The following MUC15 variants were observed in gnomAD, a reference collection of about 807,000 sequenced individuals.
MUC15 encodes the protein mucin-15.
In MUC15, 23 loss-of-function variants were observed where a neutral mutation model predicts 24.0. That is an observed-to-expected ratio of 0.96 (90% CI 0.69 to 1.36). MUC15 has a LOEUF of 1.36. Ranked by LOEUF, MUC15 falls within the 40% of genes most tolerant of loss-of-function variation. The pLI is 0.00. For synonymous variants in MUC15, 151 were observed against 156.3 expected, an observed-to-expected ratio of 0.97 and a Z score of 0.25; for missense variants, 442 against 428.2, an observed-to-expected ratio of 1.03 and a Z score of -0.29.
chr11:26,561,533 CTT>C (rs1197596676), intron 4 of MUC15, among the ~76,000 whole-genome samples: 1 of 151,916 alleles, frequency 6.6e-6, no homozygotes, highest in East Asian at 1.9e-4. Flanking sequence ...ACCTCATTGA[CTT>C]TTGAATCTTG....
chr11:26,570,950 AT>A (rs1850799752), intron 1 of MUC15, among the ~76,000 whole-genome samples: 1 of 152,136 alleles, frequency 6.6e-6, no homozygotes, highest in African/African-American at 2.4e-5. Context: ...TAGGCCTCTC[AT>A]TTTACTTTTA....
In MUC15 at chr11:26,559,780, G is replaced by T. The variant is rs1323857164; in HGVS notation, c.*1285C>A. On this transcript the variant is annotated 3_prime_UTR_variant, in exon 5 of 5. Coordinates refer to ENST00000529533, the MANE Select transcript of MUC15 (RefSeq NM_001135091.2). The stretch of plus-strand genomic sequence containing the variant: ...TTTGCTATTTTTATGGCAATATGGG[G>T]TAAGTACTTTCTTCATTACTTTCTA... 6.2e-7 allele frequency: 1 copy of T among 1,603,508 alleles called. No homozygotes were observed. Among genetic ancestry groups the T allele is most frequent in the Non-Finnish European group, 8.5e-7 (1 of 1,171,676 alleles).
At chr11:26,564,367 A>G (rs996766923) in intron 3 of MUC15, among the ~76,000 whole-genome samples, 5 of 151,646 alleles carry the variant, frequency 3.3e-5, no homozygotes, top group Non-Finnish European at 3.0e-5. Flanking sequence ...TTTGTTTTTT[A>G]CATTACTAAT....
At chr11:26,570,508 G>A (rs1850780897) in intron 1 of MUC15, among the ~76,000 whole-genome samples, 2 of 152,044 alleles carry the variant, frequency 1.3e-5, no homozygotes, top group Admixed American at 6.6e-5. Flanking sequence ...ACCCATATAA[G>A]GGCAAAGAAA....
rs1464306645 is a variant in MUC15 at position 26,560,665 on chromosome 11, A to G, written c.*400T>C. The G allele has an allele frequency of 6.5e-6, 1 of 154,496 alleles. No homozygotes were observed. Among genetic ancestry groups the G allele is most frequent in the Admixed American group, 6.5e-5 (1 of 15,278 alleles). 9.6% of individuals were successfully genotyped at this position (154,496 alleles called of 1,614,324 possible). On this transcript the variant is annotated 3_prime_UTR_variant, in exon 5 of 5. Coordinates refer to ENST00000529533, the MANE Select transcript of MUC15 (RefSeq NM_001135091.2). ...TTCATTTAAGAAAATGCAATCTTGA[A>G]TTATGGTACTAGGGCTTCAGGCAGA...
At position 26,559,473 on chromosome 11, in the gene MUC15, G is replaced by A; in HGVS notation, c.*1592C>T. 5.4e-6 allele frequency: 2 copies of A among 372,782 alleles called. No homozygotes were observed. Among genetic ancestry groups the A allele is most frequent in the East Asian group, 4.1e-5 (1 of 24,404 alleles). 23.1% of individuals were successfully genotyped at this position (372,782 alleles called of 1,614,324 possible). A position where few individuals can be genotyped will look rare whatever the true frequency, so the allele number is the denominator to read the frequency against. Reference sequence around the variant, plus strand: ...GAATTATTTATAATCAGAAATGATGGTGGGGTATAAAGGGAATCAAGAGAG... The same window carrying A: ...GAATTATTTATAATCAGAAATGATGATGGGGTATAAAGGGAATCAAGAGAG... On this transcript the variant is annotated 3_prime_UTR_variant, in exon 5 of 5. Transcript: ENST00000529533.
Position 26,563,250 on chromosome 11 carries a change from C to T in MUC15, c.791G>A (p.Gly264Glu), listed in dbSNP as rs1590538502. Reference protein sequence around the residue: ...SDPQKENRNTGIVFGAILGAI... With the variant: ...SDPQKENRNTEIVFGAILGAI... ...ACCTAAAATGGCCCCGAATACTATT[C>T]CTGTATTTCTATTTTCTACAGGACA... Residue 264 changes from glycine to glutamate, a missense_variant, in exon 4 of 5, where the codon GGA becomes GAA. Physicochemically the swap from Gly to Glu is moderately conservative, Grantham distance 98. Transcript: ENST00000529533. 6.3e-6 allele frequency: 10 copies of T among 1,597,352 alleles called. No homozygotes were observed. In the East Asian group the frequency reaches 2.3e-4, roughly 36 times the overall value.
intron 1 of MUC15, among the ~76,000 whole-genome samples, chr11:26,568,441 C>A (rs1565113145): frequency 6.7e-6 from 1 of 150,122 alleles, no homozygotes; most frequent in Non-Finnish European, 1.5e-5. Flanking sequence ...ATTTGGTACA[C>A]AGCTGCTTTT....
Position 26,565,211 on chromosome 11 carries a change from G to A in MUC15, c.729C>T (p.Phe243=), listed in dbSNP as rs776008933. 2.0e-6 allele frequency: 3 copies of A among 1,510,388 alleles called. No individual in the cohort carries two copies. In the East Asian group the frequency reaches 6.9e-5, roughly 35 times the overall value. The allele number at this position is 1,510,388 out of a possible 1,614,324, so 93.6% of individuals were successfully genotyped here. A position where few individuals can be genotyped will look rare whatever the true frequency, so the allele number is the denominator to read the frequency against. ...EKTTLQPTLK[F]TNNSKLFPNT... ...TTGGAAAGAGTTTTGAATTATTGGT[G>A]AATTTTAAGGTAGGCTGTAGAGTTG... The change falls in exon 3 of 5, where the codon TTC becomes TTT. Residue 243 remains phenylalanine, a synonymous_variant. Coordinates refer to ENST00000529533, the MANE Select transcript of MUC15 (RefSeq NM_001135091.2).
intron 3 of MUC15, 138 bp from the exon 4 acceptor site, chr11:26,563,403 G>GTGTGTGTT (rs1485118287): frequency 5.9e-6 from 1 of 168,900 alleles, no homozygotes; most frequent in African/African-American, 4.9e-5. Flanking sequence ...CTCTGTGTGT[G>GTGTGTGTT]TGTGTGTGTG....
chr11:26,567,801 C>G lies in MUC15; in HGVS notation c.-45-662G>C, dbSNP rs983030053. ...CATTAGTAACAGATTGGATAATAAA[C>G]TGTGGTATATTCAGATAGTGAAAAT... On this transcript the variant is annotated intron_variant, in intron 1 of 4. Transcript: ENST00000529533. 6.6e-5 allele frequency among the ~76,000 whole-genome samples: 10 copies of G among 152,038 alleles called. No homozygotes were observed. In the South Asian group the frequency reaches 2.1e-3, roughly 32 times the overall value.
At chr11:26,564,732 C>CATATATATAT (rs66510170) in intron 3 of MUC15, among the ~76,000 whole-genome samples, 4 of 25,416 alleles carry the variant, frequency 1.6e-4, no homozygotes, top group Non-Finnish European at 2.2e-4. Flanking sequence ...CACACACACA[C>CATATATATAT]ATATATATAT....
chr11:26,567,076 T>C lies in MUC15; in HGVS notation c.19A>G (p.Ile7Val), dbSNP rs368209928. ...CAACAATCCCTTGATGTGGCAAGAA[T>C]AGATTGTATTATGCCCATTTTGCAG... MGIIQSILATSRDCYSF... is the reference protein window; with the variant it reads MGIIQSVLATSRDCYSF... The change falls in exon 2 of 5, where the codon ATT becomes GTT. Residue 7 changes from isoleucine to valine, a missense_variant. Physicochemically the swap from Ile to Val is conservative, Grantham distance 29 (BLOSUM62 3). Coordinates refer to ENST00000529533, the MANE Select transcript of MUC15 (RefSeq NM_001135091.2). 3.3e-6 allele frequency: 5 copies of C among 1,504,472 alleles called. No individual in the cohort carries two copies. Among genetic ancestry groups the C allele is most frequent in the Non-Finnish European group, 4.5e-6 (5 of 1,121,802 alleles). 93.2% of individuals were successfully genotyped at this position (1,504,472 alleles called of 1,614,324 possible). A position where few individuals can be genotyped will look rare whatever the true frequency, so the allele number is the denominator to read the frequency against.
At chr11:26,569,270 A>G (rs1188148874) in intron 1 of MUC15, among the ~76,000 whole-genome samples, 2 of 152,294 alleles carry the variant, frequency 1.3e-5, no homozygotes, top group Middle Eastern at 3.4e-3. Context: ...GTTACTGCCT[A>G]TAATTTATCT....
rs758663678 is a variant in MUC15, at chr11:26,565,880, T to G, written c.60A>C (p.Lys20Asn). 9 of 1,565,996 alleles carry G rather than the reference T, an allele frequency of 5.7e-6. No homozygotes were observed. The highest frequency in any genetic ancestry group is 1.4e-5 in the African/African-American group (1 of 71,864). Reference sequence around the variant, plus strand: ...ACATTGTAGGCTTCTTTGGTATTGGTTTTTTTTTAAAGGAATCTGAAAGAA... The same window carrying G: ...ACATTGTAGGCTTCTTTGGTATTGGGTTTTTTTTAAAGGAATCTGAAAGAA... The part of the protein sequence containing the change: ...TSRDCYSFKK[K>N]PIPKKPTMLA... The change falls in exon 3 of 5, where the codon AAA (lysine) becomes AAC (asparagine). Residue 20 changes from lysine (K) to asparagine (N), a missense_variant. Lys to Asn is a moderately conservative substitution (Grantham distance 94, BLOSUM62 0). Transcript: ENST00000529533.
At chr11:26,561,299 A>AT (rs1850283055) in intron 4 of MUC15, 74 bp from the exon 5 acceptor site, 1 of 1,122,790 alleles carries the variant, frequency 8.9e-7, no homozygotes, top group Non-Finnish European at 1.2e-6. Context: ...CCACCAAGTT[A>AT]TAGGAATTAT....
rs35317037 is a variant in MUC15 at position 26,565,471 on chromosome 11, C to A, written c.469G>T (p.Asp157Tyr). Residue 157 changes from aspartate (D) to tyrosine (Y), a missense_variant, in exon 3 of 5, where the codon GAT (aspartate) becomes TAT (tyrosine). Transcript: ENST00000529533. ...GGATGTGCTGAGATGGGCAAAAGATCTTCATCTGCTATAGGTGCATTCCAA... is the reference window on the plus strand; with the variant it reads ...GGATGTGCTGAGATGGGCAAAAGATATTCATCTGCTATAGGTGCATTCCAA... ...VPWNAPIADE[D>Y]LLPISAHPNA... The A allele has an allele frequency of 6.2e-7, 1 of 1,613,238 alleles. No individual in the cohort carries two copies. The highest frequency in any genetic ancestry group is 8.5e-7 in the Non-Finnish European group (1 of 1,179,542).
chr11:26,564,904 C>G (rs1486772227), intron 3 of MUC15, among the ~76,000 whole-genome samples: 1 of 150,200 alleles, frequency 6.7e-6, no homozygotes, highest in African/African-American at 2.4e-5. Flanking sequence ...TCCATCTTTT[C>G]TTGACCTAAC....
chr11:26,571,569 AT>A (rs1024896752), intron 1 of MUC15, among the ~76,000 whole-genome samples: 5 of 152,212 alleles, frequency 3.3e-5, no homozygotes, highest in Non-Finnish European at 7.4e-5. Context: ...TTATTAGAAG[AT>A]TTTTTCCAAA....
Sources: gnomAD v4.1 joint callset for allele counts (sites outside exome capture counted in the v4.1 genomes callset) on GRCh38, gnomAD v4.1.1 for gene constraint, MANE v1.5 for transcripts, NCBI Gene and HGNC (gene_info 2026-07-23, HGNC 2026-07-21) for gene names.